The following CCDC146 variants were observed in gnomAD, a reference collection of about 807,000 sequenced individuals.
CCDC146 encodes the protein coiled-coil domain containing 146.
Under a neutral mutation model 119.3 loss-of-function variants are expected in CCDC146, and 92 were observed. That is an observed-to-expected ratio of 0.77 (90% CI 0.65 to 0.92). CCDC146 has a LOEUF of 0.92. CCDC146 is among the 40% of genes least tolerant of loss of function. The probability of loss-of-function intolerance (pLI) is 0.00; values close to 1 mark genes in which losing one functional copy is unlikely to be tolerated. For missense variants in CCDC146, 1,000 were observed against 1,103.0 expected, an observed-to-expected ratio of 0.91 and a Z score of 1.32; for synonymous variants, 372 against 371.8, an observed-to-expected ratio of 1.00 and a Z score of -0.01.
intron 2 of CCDC146, among the ~76,000 whole-genome samples, chr7:77,210,662 A>G (rs1792163654): frequency 6.6e-6 from 1 of 152,192 alleles, no homozygotes; most frequent in South Asian, 2.1e-4. Flanking sequence ...CCATTCTCAC[A>G]TTGCTATGAA....
intron 2 of CCDC146, among the ~76,000 whole-genome samples, chr7:77,192,258 A>T (rs905757344): frequency 2.6e-5 from 4 of 152,168 alleles, no homozygotes; most frequent in African/African-American, 9.7e-5. Context: ...TGCTTTATAT[A>T]TGTGATTTAA....
intron 2 of CCDC146, among the ~76,000 whole-genome samples, chr7:77,191,154 G>A (rs568729468): frequency 1.3e-5 from 2 of 152,262 alleles, no homozygotes; most frequent in African/African-American, 2.4e-5. Context: ...TATGCCATAG[G>A]AACTTCATTC....
chr7:77,197,058 T>A (rs1048648717), intron 2 of CCDC146: 1 of 911,342 alleles, frequency 1.1e-6, no homozygotes, highest in African/African-American at 1.7e-5. Context: ...TCTTTATATG[T>A]ACAAAAGCAG....
chr7:77,198,885 C>T (rs1051382614), intron 2 of CCDC146: 5 of 447,596 alleles, frequency 1.1e-5, no homozygotes, highest in Admixed American at 8.0e-5. Context: ...GTTAAATGCA[C>T]TAAAACATCA....
At chr7:77,137,815 T>C (rs1260079080) in intron 1 of CCDC146, among the ~76,000 whole-genome samples, 2 of 151,766 alleles carry the variant, frequency 1.3e-5, no homozygotes, top group African/African-American at 4.8e-5. Flanking sequence ...AAGAACGAAA[T>C]TGGAGGACTG....
intron 2 of CCDC146, among the ~76,000 whole-genome samples, chr7:77,234,594 G>T (rs547939243): frequency 1.1e-4 from 16 of 152,226 alleles, no homozygotes; most frequent in Admixed American, 7.8e-4. Context: ...AATTAGCCAG[G>T]TGTGGTGGCA....
intron 1 of CCDC146, among the ~76,000 whole-genome samples, chr7:77,123,617 A>G (rs1255846934): frequency 1.3e-5 from 2 of 152,126 alleles, no homozygotes; most frequent in African/African-American, 4.8e-5. Context: ...ACCTGCAAAC[A>G]CTAACATTTC....
intron 2 of CCDC146, among the ~76,000 whole-genome samples, chr7:77,187,461 A>T (rs531230865): frequency 1.3e-5 from 2 of 151,714 alleles, no homozygotes; most frequent in East Asian, 1.9e-4. Context: ...AATTTTGTTT[A>T]AAAAATTTCC....
chr7:77,224,725 T>C (rs1489925691), intron 2 of CCDC146, among the ~76,000 whole-genome samples: 2 of 152,174 alleles, frequency 1.3e-5, no homozygotes, highest in African/African-American at 2.4e-5. Context: ...TACACCATGT[T>C]GAGGAGCCTA....
chr7:77,279,204 C>T lies in CCDC146; in HGVS notation c.1694+103C>T, dbSNP rs745482926. ...GAAGATAGGAAAGAGGCAGAGGCTG[C>T]AATGAGCCAAGATGGTGCCACTGCC... On this transcript the variant is annotated intron_variant, in intron 13 of 18. Coordinates refer to ENST00000285871, the MANE Select transcript of CCDC146 (RefSeq NM_020879.3). 156 of 1,202,058 alleles carry T rather than the reference C, an allele frequency of 1.3e-4. 1 individual carries two copies. Among genetic ancestry groups the T allele is most frequent in the Middle Eastern group, 5.5e-4 (2 of 3,656 alleles). The allele number at this position is 1,202,058 out of a possible 1,614,324, so 74.5% of individuals were successfully genotyped here. A position where few individuals can be genotyped will look rare whatever the true frequency, so the allele number is the denominator to read the frequency against.
rs3834746 is a variant in CCDC146, at chr7:77,201,914, T to TA, written c.156+34101dup. ...AAAGGAGACATGATGACAACATAGA[T>TA]AAAAAAAAAAACCATTTTGTAAAGT... On this transcript the variant is annotated intron_variant, in intron 2 of 18. Coordinates refer to ENST00000285871, the MANE Select transcript of CCDC146 (RefSeq NM_020879.3). Among the ~76,000 whole-genome samples, 374 of 144,282 alleles carry TA rather than the reference T, an allele frequency of 2.6e-3. 1 individual carries two copies. The highest frequency in any genetic ancestry group is 0.011 in the Admixed American group (162 of 14,572). 94.7% of individuals were successfully genotyped at this position (144,282 alleles called of 152,430 possible). A position where few individuals can be genotyped will look rare whatever the true frequency, so the allele number is the denominator to read the frequency against.
intron 15 of CCDC146, 68 bp downstream of exon 15, chr7:77,282,853 T>C: frequency 9.1e-7 from 1 of 1,103,146 alleles, no homozygotes; most frequent in Non-Finnish European, 1.4e-6. Flanking sequence ...AGTTTGTGGG[T>C]GAGTTCTTGC....
At chr7:77,269,037 A>G (rs1387777693) in intron 9 of CCDC146, among the ~76,000 whole-genome samples, 1 of 152,116 alleles carries the variant, frequency 6.6e-6, no homozygotes, top group Non-Finnish European at 1.5e-5. Flanking sequence ...CAAAGTTCTG[A>G]TACTTTGTCT....
intron 5 of CCDC146, chr7:77,255,183 C>A (rs1242657037): frequency 2.0e-5 from 3 of 152,138 alleles, no homozygotes; most frequent in South Asian, 2.1e-4. Context: ...ATATGTAAGA[C>A]CTTTTTGGGC....
chr7:77,258,698 G>T (rs550926795), intron 6 of CCDC146, among the ~76,000 whole-genome samples: 1 of 152,228 alleles, frequency 6.6e-6, no homozygotes, highest in African/African-American at 2.4e-5. Context: ...AACTTACAAC[G>T]GGTTTATTGG....
chr7:77,275,530 A>G (rs948521176), intron 11 of CCDC146, among the ~76,000 whole-genome samples: 5 of 152,212 alleles, frequency 3.3e-5, no homozygotes, highest in African/African-American at 1.2e-4. Flanking sequence ...TCCAGTGGAC[A>G]GGGCTGGCAG....
chr7:77,267,427 C>T (rs1793427903), intron 9 of CCDC146, among the ~76,000 whole-genome samples: 1 of 152,142 alleles, frequency 6.6e-6, no homozygotes, highest in African/African-American at 2.4e-5. Flanking sequence ...TCTTCCTAAT[C>T]AAGCGCTGTT....
intron 17 of CCDC146, among the ~76,000 whole-genome samples, chr7:77,288,438 T>C (rs1442750913): frequency 3.9e-5 from 6 of 152,220 alleles, no homozygotes; most frequent in Non-Finnish European, 8.8e-5. Context: ...AAAGGTTCAT[T>C]TGGGGAATTG....
At chr7:77,178,606 C>T (rs139048636) in intron 2 of CCDC146, among the ~76,000 whole-genome samples, 55 of 152,280 alleles carry the variant, frequency 3.6e-4, no homozygotes, top group African/African-American at 1.2e-3. Flanking sequence ...TGTTTAATTA[C>T]GTAGTTAATA....
Sources: gnomAD v4.1 joint callset for allele counts (sites outside exome capture counted in the v4.1 genomes callset) on GRCh38, gnomAD v4.1.1 for gene constraint, MANE v1.5 for transcripts, NCBI Gene and HGNC (gene_info 2026-07-23, HGNC 2026-07-21) for gene names.